CRTC3: variants seen among roughly 807,000 people sequenced by gnomAD.
CRTC3 encodes CREB regulated transcription coactivator 3, also known as CREB-regulated transcription coactivator 3.
Under a neutral mutation model 74.5 loss-of-function variants are expected in CRTC3, and 26 were observed. That is an observed-to-expected ratio of 0.35 (90% confidence interval 0.26 to 0.48). CRTC3 has a LOEUF of 0.48. Among genes scored for constraint, CRTC3 ranks in the 20% least tolerant of loss-of-function variants. CRTC3 has a pLI of 0.99. For synonymous variants in CRTC3, 377 were observed against 325.8 expected, an observed-to-expected ratio of 1.16 and a Z score of -1.69; for missense variants, 760 against 787.3, an observed-to-expected ratio of 0.97 and a Z score of 0.41.
chr15:90,617,799 A>G, intron 7 of CRTC3, 84 bp from the exon 8 acceptor site: 1 of 872,638 alleles, frequency 1.1e-6, no homozygotes, highest in Admixed American at 1.8e-5. Context: ...ATAAAGTGCT[A>G]GGATTATAGG....
At chr15:90,591,835 A>T (rs1967808667) in intron 2 of CRTC3, among the ~76,000 whole-genome samples, 1 of 152,212 alleles carries the variant, frequency 6.6e-6, no homozygotes, top group South Asian at 2.1e-4. Flanking sequence ...CATCTTGCCA[A>T]GAAGCACCTG....
At chr15:90,584,235 C>T (rs1037213936) in intron 2 of CRTC3, among the ~76,000 whole-genome samples, 17 of 117,338 alleles carry the variant, frequency 1.4e-4, no homozygotes, top group Non-Finnish European at 2.2e-4. Flanking sequence ...TCTTCACCAA[C>T]GCTTTTTTTT....
chr15:90,618,222 AC>A (rs1180447416), intron 8 of CRTC3: 1 of 255,568 alleles, frequency 3.9e-6, no homozygotes, highest in African/African-American at 2.3e-5. Flanking sequence ...AAAAAAAAAA[AC>A]CCTGCTAAGT....
intron 1 of CRTC3, 130 bp from the exon 2 acceptor site, chr15:90,539,909 C>A (rs1278241066): frequency 2.8e-5 from 19 of 688,188 alleles, no homozygotes; most frequent in Non-Finnish European, 2.5e-6. Flanking sequence ...AGGGTGTGAT[C>A]ACTTACGTCG....
chr15:90,617,671 A>G (rs1037719576), intron 7 of CRTC3, among the ~76,000 whole-genome samples: 2 of 152,128 alleles, frequency 1.3e-5, no homozygotes, highest in African/African-American at 4.8e-5. Flanking sequence ...TTGGGACTAC[A>G]GGTGTGAGCC....
intron 2 of CRTC3, among the ~76,000 whole-genome samples, chr15:90,580,908 TA>T (rs539290584): frequency 2.9e-4 from 43 of 149,678 alleles, no homozygotes; most frequent in South Asian, 1.1e-3. Context: ...CATGATGAAT[TA>T]AAAAAAAAAA....
chr15:90,564,949 CCTTCCTTCCTT>C (rs1967090586), intron 2 of CRTC3, among the ~76,000 whole-genome samples: 1 of 62,682 alleles, frequency 1.6e-5, no homozygotes, highest in African/African-American at 4.7e-5. Context: ...TTCCTTCCTT[CCTTCCTTCCTT>C]TCATGGAGTT....
chr15:90,535,588 C>T (rs1316759773), intron 1 of CRTC3, among the ~76,000 whole-genome samples: 1 of 152,170 alleles, frequency 6.6e-6, no homozygotes, highest in East Asian at 1.9e-4. Context: ...AGAGGACTAA[C>T]TCAGCATATC....
At chr15:90,630,046 A>G (rs1228316257) in intron 11 of CRTC3, among the ~76,000 whole-genome samples, 1 of 152,212 alleles carries the variant, frequency 6.6e-6, no homozygotes, top group Non-Finnish European at 1.5e-5. Flanking sequence ...TTTTATTATA[A>G]TAATAGCAGA....
intron 2 of CRTC3, among the ~76,000 whole-genome samples, chr15:90,583,081 T>C (rs1389788781): frequency 6.6e-6 from 1 of 151,834 alleles, no homozygotes; most frequent in Non-Finnish European, 1.5e-5. Flanking sequence ...CAAGCGATCC[T>C]CCCACCTCGG....
intron 2 of CRTC3, among the ~76,000 whole-genome samples, chr15:90,586,596 C>T (rs111546865): frequency 9.9e-5 from 15 of 152,026 alleles, no homozygotes; most frequent in African/African-American, 1.7e-4. Context: ...CTCCTGACCT[C>T]ATGATCACCC....
intron 9 of CRTC3, among the ~76,000 whole-genome samples, chr15:90,621,348 A>AGTATC (rs10692047): frequency 0.18 from 26,895 of 151,712 alleles, 2,420 homozygotes; most frequent in Middle Eastern, 0.2. Flanking sequence ...TTTGAGATGG[A>AGTATC]GTATCGCTCT....
intron 1 of CRTC3, among the ~76,000 whole-genome samples, chr15:90,535,127 C>G: frequency 6.7e-6 from 1 of 148,698 alleles, no homozygotes; most frequent in East Asian, 2.0e-4. Context: ...TGCCATTGCA[C>G]TCCAACCTGG....
chr15:90,599,854 G>C (rs1449458795), intron 3 of CRTC3, among the ~76,000 whole-genome samples: 1 of 152,176 alleles, frequency 6.6e-6, no homozygotes, highest in East Asian at 1.9e-4. Flanking sequence ...AGTGTACTGA[G>C]AAAAATGGTA....
chr15:90,557,119 C>G (rs541531702), intron 2 of CRTC3, among the ~76,000 whole-genome samples: 1 of 152,140 alleles, frequency 6.6e-6, no homozygotes, highest in South Asian at 2.1e-4. Flanking sequence ...ATGTCTTATA[C>G]TCTAGCTAGG....
chr15:90,593,561 T>C, intron 2 of CRTC3, 75 bp from the exon 3 acceptor site: 1 of 1,546,700 alleles, frequency 6.5e-7, no homozygotes, highest in Non-Finnish European at 8.9e-7. Flanking sequence ...TCATCTCCTG[T>C]TGTTATCAGT....
At chr15:90,579,997 T>C (rs1967500501) in intron 2 of CRTC3, among the ~76,000 whole-genome samples, 1 of 152,038 alleles carries the variant, frequency 6.6e-6, no homozygotes, top group Admixed American at 6.6e-5. Context: ...ACATCCCCAC[T>C]CAGGAACATC....
chr15:90,608,158 G>T (rs1968273681), intron 6 of CRTC3, among the ~76,000 whole-genome samples: 1 of 152,162 alleles, frequency 6.6e-6, no homozygotes. Context: ...GTAAGGGGAT[G>T]GAGAGAGGCC....
chr15:90,556,205 C>T (rs999216946), intron 2 of CRTC3, among the ~76,000 whole-genome samples: 1 of 151,780 alleles, frequency 6.6e-6, no homozygotes, highest in African/African-American at 2.4e-5. Flanking sequence ...AGCATTTCCC[C>T]AACGGACATT....
Sources: allele counts gnomAD v4.1 joint callset (sites outside exome capture counted in the v4.1 genomes callset), GRCh38; gene constraint gnomAD v4.1.1; transcripts MANE v1.5; gene names NCBI Gene and HGNC (gene_info 2026-07-23, HGNC 2026-07-21).